ARHGEF38: variants seen among roughly 807,000 people sequenced by gnomAD.
The protein encoded by ARHGEF38 is Rho guanine nucleotide exchange factor (GEF) 38.
A neutral mutation model predicts 79.9 loss-of-function variants in ARHGEF38; 79 were observed. The observed-to-expected ratio is 0.99, with a 90% CI of 0.82 to 1.19. The LOEUF (loss-of-function observed/expected upper bound fraction) is 1.19, where lower values mean the gene tolerates loss of function less well. ARHGEF38 is among the 50% of genes most tolerant of loss of function. ARHGEF38 has a pLI of 0.00. For synonymous variants in ARHGEF38, 366 were observed against 328.3 expected (o/e 1.11, Z -1.24); for missense variants, 962 against 907.2 (o/e 1.06, Z -0.78).
At chr4:105,655,058 T>G (rs1730265843) in intron 8 of ARHGEF38, among the ~76,000 whole-genome samples, 1 of 152,194 alleles carries the variant, frequency 6.6e-6, no homozygotes, top group African/African-American at 2.4e-5. Context: ...TTTGCTATTT[T>G]CTTCCTAAAA....
intron 3 of ARHGEF38, among the ~76,000 whole-genome samples, chr4:105,616,734 A>G (rs551489813): frequency 6.6e-6 from 1 of 152,248 alleles, no homozygotes; most frequent in Admixed American, 6.5e-5. Flanking sequence ...CCATCCATCA[A>G]AGGGTCCTCA....
At position 105,630,341 on chromosome 4, in the gene ARHGEF38, G is replaced by A. The variant is rs1306959922; in HGVS notation, c.509-557G>A. On this transcript the variant is annotated intron_variant, in intron 3 of 13. Coordinates refer to ENST00000420470, the MANE Select transcript of ARHGEF38 (RefSeq NM_001242729.2). The stretch of plus-strand genomic sequence containing the variant: ...CAGCTCGCTGCAACCTCTGCCTCCC[G>A]GGTTCAAGCGATTCTCCTGCCTCAG... Among the ~76,000 whole-genome samples, 6 of 151,204 alleles carry A rather than the reference G, an allele frequency of 4.0e-5. No homozygotes were observed. The South Asian group carries it at 1.0e-3, about 26-fold the overall frequency.
At chr4:105,657,051 T>TAGATAGATAGATA (rs1553948602) in intron 9 of ARHGEF38, among the ~76,000 whole-genome samples, 1 of 151,092 alleles carries the variant, frequency 6.6e-6, no homozygotes, top group African/African-American at 2.4e-5. Context: ...GATAGATAGA[T>TAGATAGATAGATA]GATAGATAGA....
At chr4:105,665,624 C>G (rs1332542073) in intron 10 of ARHGEF38, among the ~76,000 whole-genome samples, 2 of 151,970 alleles carry the variant, frequency 1.3e-5, no homozygotes, top group Non-Finnish European at 2.9e-5. Context: ...TTTTAAGAGA[C>G]AAGGTCTTGC....
intron 3 of ARHGEF38, among the ~76,000 whole-genome samples, chr4:105,626,811 G>C (rs886966855): frequency 2.0e-5 from 3 of 151,240 alleles, no homozygotes; most frequent in African/African-American, 7.3e-5. Flanking sequence ...GTTGCACAAG[G>C]CCCTTCATGA....
At chr4:105,657,047 T>C (rs1056925476) in intron 9 of ARHGEF38, among the ~76,000 whole-genome samples, 1 of 151,794 alleles carries the variant, frequency 6.6e-6, no homozygotes, top group Non-Finnish European at 1.5e-5. Context: ...GATAGATAGA[T>C]AGATGATAGA....
At chr4:105,646,970 T>C (rs973576844) in intron 6 of ARHGEF38, among the ~76,000 whole-genome samples, 5 of 152,196 alleles carry the variant, frequency 3.3e-5, no homozygotes, top group Admixed American at 1.3e-4. Flanking sequence ...GATACAGATA[T>C]TATAAGCCCC....
intron 5 of ARHGEF38, among the ~76,000 whole-genome samples, chr4:105,643,745 T>C (rs548203827): frequency 6.6e-6 from 1 of 152,172 alleles, no homozygotes; most frequent in Admixed American, 6.5e-5. Flanking sequence ...TAGTGACTAG[T>C]GTATGTTTGT....
intron 3 of ARHGEF38, among the ~76,000 whole-genome samples, chr4:105,627,880 G>C (rs142934814): frequency 6.6e-6 from 1 of 152,154 alleles, no homozygotes; most frequent in Non-Finnish European, 1.5e-5. Flanking sequence ...AGAATACATT[G>C]GTAGGGCTGG....
chr4:105,561,318 C>T (rs1318248980), intron 1 of ARHGEF38, among the ~76,000 whole-genome samples: 2 of 151,968 alleles, frequency 1.3e-5, no homozygotes, highest in South Asian at 2.1e-4. Flanking sequence ...ACAAGAATCA[C>T]TCAAACCTGG....
chr4:105,644,232 T>G (rs1423386485), intron 5 of ARHGEF38, among the ~76,000 whole-genome samples: 1 of 152,226 alleles, frequency 6.6e-6, no homozygotes, highest in African/African-American at 2.4e-5. Context: ...TGTTTTACTA[T>G]TCTAATAATA....
rs1362012671 is a variant in ARHGEF38 at position 105,680,775 on chromosome 4, A to G, written c.*2838A>G. The G allele has an allele frequency of 1.3e-5, 2 of 150,258 alleles. No homozygotes were observed. The highest frequency in any genetic ancestry group is 5.0e-5 in the African/African-American group (2 of 40,384). The allele number at this position is 150,258 out of a possible 1,614,324, so 9.3% of individuals were successfully genotyped here. On this transcript the variant is annotated 3_prime_UTR_variant, in exon 14 of 14. Transcript: ENST00000420470. ...TGAAAGATAAATTACCTCCTAAACT[A>G]AAGTCCCCTCTGAGGTACAACAGAA...
chr4:105,631,215 T>G (rs1729177297), intron 4 of ARHGEF38, 170 bp downstream of exon 4: 3 of 1,261,716 alleles, frequency 2.4e-6, no homozygotes, highest in South Asian at 6.5e-5. Flanking sequence ...AAGCCCTGAT[T>G]GACTTTTTTT....
intron 13 of ARHGEF38, among the ~76,000 whole-genome samples, chr4:105,672,523 A>G (rs1025301030): frequency 6.6e-6 from 1 of 152,230 alleles, no homozygotes. Flanking sequence ...TCACGTAAAT[A>G]TGCCTTCCCA....
At position 105,659,060 on chromosome 4, in the gene ARHGEF38, CACTT is replaced by C. The variant is rs1730454014; in HGVS notation, c.1243_1246del (p.Leu415ArgfsTer5). 1.3e-6 allele frequency: 2 copies of C among 1,533,342 alleles called. No individual in the cohort carries two copies. Among genetic ancestry groups the C allele is most frequent in the Non-Finnish European group, 1.7e-6 (2 of 1,145,518 alleles). 95.0% of individuals were successfully genotyped at this position (1,533,342 alleles called of 1,614,324 possible). On this transcript the variant is annotated frameshift_variant, in exon 10 of 14. Transcript: ENST00000420470. LOFTEE classifies it high-confidence loss of function. Reference sequence around the variant, plus strand: ...TCATTTTTTCTTTTGGCAGGCATCTCACTTACAGAGACTCATCCTGACCCCCTTG... The same window carrying C: ...TCATTTTTTCTTTTGGCAGGCATCTCACAGAGACTCATCCTGACCCCCTTG...
intron 3 of ARHGEF38, among the ~76,000 whole-genome samples, chr4:105,625,056 T>C (rs1728886254): frequency 6.6e-6 from 1 of 152,216 alleles, no homozygotes; most frequent in Non-Finnish European, 1.5e-5. Context: ...AACTTCCTTT[T>C]GGGATATATC....
chr4:105,642,341 CCTTTTTTAGGATTTGTATTTATGA>C (rs1452004894), intron 5 of ARHGEF38, among the ~76,000 whole-genome samples: 1 of 152,050 alleles, frequency 6.6e-6, no homozygotes, highest in African/African-American at 2.4e-5. Flanking sequence ...TTTGAGAACG[CCTTTTTTAGGATTTGTATTTATGA>C]CTTTTTTAGG....
intron 10 of ARHGEF38, among the ~76,000 whole-genome samples, chr4:105,665,620 G>C (rs1730721858): frequency 6.6e-6 from 1 of 151,962 alleles, no homozygotes; most frequent in Non-Finnish European, 1.5e-5. Context: ...AAATTTTTAA[G>C]AGACAAGGTC....
chr4:105,642,491 C>G (rs1219257379), intron 5 of ARHGEF38, among the ~76,000 whole-genome samples: 1 of 152,150 alleles, frequency 6.6e-6, no homozygotes. Flanking sequence ...CTAGACACAA[C>G]AGAGCCTAAG....
Sources: gnomAD v4.1 joint callset for allele counts (sites outside exome capture counted in the v4.1 genomes callset) on GRCh38, gnomAD v4.1.1 for gene constraint, MANE v1.5 for transcripts, NCBI Gene and HGNC (gene_info 2026-07-23, HGNC 2026-07-21) for gene names.